CPQ: variants seen among roughly 807,000 people sequenced by gnomAD.
The protein encoded by CPQ is Ser-Met dipeptidase.
In CPQ, 37 loss-of-function variants were observed where a neutral mutation model predicts 45.7. The observed-to-expected ratio is 0.81, with a 90% CI of 0.62 to 1.07. CPQ has a LOEUF of 1.07. Ranked by LOEUF, CPQ falls within the 50% of genes least tolerant of loss-of-function variation. The probability of loss-of-function intolerance (pLI) is 0.00; values close to 1 mark genes in which losing one functional copy is unlikely to be tolerated. For missense variants in CPQ, 537 were observed against 572.9 expected, an observed-to-expected ratio of 0.94 and a Z score of 0.64; for synonymous variants, 186 against 205.8, an observed-to-expected ratio of 0.90 and a Z score of 0.82.
At chr8:96,748,268 CT>C (rs372084700) in intron 1 of CPQ, among the ~76,000 whole-genome samples, 2,183 of 151,794 alleles carry the variant, frequency 0.014, 32 homozygotes, top group South Asian at 0.03. Flanking sequence ...TAATAAGTTG[CT>C]TTTTTTTCTG....
chr8:97,022,283 A>G (rs1262012146), intron 5 of CPQ, among the ~76,000 whole-genome samples: 2 of 152,258 alleles, frequency 1.3e-5, no homozygotes, highest in African/African-American at 4.8e-5. Context: ...TAAAAATTCC[A>G]GAAGATAACA....
At chr8:96,951,282 T>G (rs966007420) in intron 4 of CPQ, among the ~76,000 whole-genome samples, 13 of 152,122 alleles carry the variant, frequency 8.5e-5, no homozygotes. Context: ...CATTTCTATG[T>G]GAAATATGGC....
chr8:96,890,201 A>G (rs57469661), intron 4 of CPQ, among the ~76,000 whole-genome samples: 5,985 of 152,370 alleles, frequency 0.039, 197 homozygotes, highest in African/African-American at 0.081. Flanking sequence ...CTCTTACGTC[A>G]CATGACAAAG....
At chr8:96,866,184 C>T (rs953161021) in intron 3 of CPQ, among the ~76,000 whole-genome samples, 1 of 152,046 alleles carries the variant, frequency 6.6e-6, no homozygotes, top group Non-Finnish European at 1.5e-5. Flanking sequence ...ACCCATGAGT[C>T]CTTTTCACTC....
chr8:96,872,689 C>T (rs916531665), intron 3 of CPQ, among the ~76,000 whole-genome samples: 1 of 151,552 alleles, frequency 6.6e-6, no homozygotes, highest in Non-Finnish European at 1.5e-5. Flanking sequence ...GAAACAAAAC[C>T]AATAGGATGT....
intron 7 of CPQ, among the ~76,000 whole-genome samples, chr8:97,119,215 G>C (rs1320099377): frequency 6.6e-6 from 1 of 151,824 alleles, no homozygotes; most frequent in Admixed American, 6.6e-5. Flanking sequence ...TGCAATCCAA[G>C]CTACTCTGGA....
At chr8:96,821,076 T>C (rs536975807) in intron 2 of CPQ, among the ~76,000 whole-genome samples, 2 of 151,984 alleles carry the variant, frequency 1.3e-5, no homozygotes, top group Admixed American at 1.3e-4. Flanking sequence ...GCCATTTGTA[T>C]GTCTTTTGAG....
intron 2 of CPQ, among the ~76,000 whole-genome samples, chr8:96,810,212 A>T (rs1490225314): frequency 1.3e-5 from 2 of 152,082 alleles, no homozygotes; most frequent in Non-Finnish European, 2.9e-5. Flanking sequence ...TTGTCAGTAT[A>T]CTCACCAGAT....
chr8:96,979,335 G>A (rs1813847351), intron 5 of CPQ, among the ~76,000 whole-genome samples: 1 of 152,156 alleles, frequency 6.6e-6, no homozygotes, highest in African/African-American at 2.4e-5. Context: ...ATAGAATAGA[G>A]ATACAGAAAA....
intron 2 of CPQ, among the ~76,000 whole-genome samples, chr8:96,826,759 TTGCCAATGCTCTCCC>T (rs941205012): frequency 6.6e-6 from 1 of 152,020 alleles, no homozygotes; most frequent in Non-Finnish European, 1.5e-5. Flanking sequence ...TTAGCTGTTT[TTGCCAATGCTCTCCC>T]TCCCCGTACT....
rs112649131 is a variant in CPQ at position 96,824,910 on chromosome 8, G to A, written c.434-10063G>A. Among the ~76,000 whole-genome samples the A allele has an allele frequency of 1.5e-3, 232 of 152,110 alleles. 1 individual carries two copies. The highest frequency in any genetic ancestry group is 5.4e-3 in the African/African-American group (225 of 41,518). ...GGGATATTTAATTCAATTCAATTCA[G>A]CAAACATATTGAATTCAAAATATGC... On this transcript the variant is annotated intron_variant, in intron 2 of 7. Coordinates refer to ENST00000220763, the MANE Select transcript of CPQ (RefSeq NM_016134.4).
At chr8:96,838,817 C>T (rs1362631650) in intron 3 of CPQ, among the ~76,000 whole-genome samples, 1 of 152,108 alleles carries the variant, frequency 6.6e-6, no homozygotes, top group Non-Finnish European at 1.5e-5. Context: ...TCCTGGTGCT[C>T]TTTGTCCGAA....
intron 4 of CPQ, among the ~76,000 whole-genome samples, chr8:96,932,001 T>G (rs72664529): frequency 6.6e-6 from 1 of 152,208 alleles, no homozygotes; most frequent in African/African-American, 2.4e-5. Context: ...GATCCCTAAC[T>G]TGTTCCAATG....
intron 5 of CPQ, among the ~76,000 whole-genome samples, chr8:97,028,016 T>A (rs1809830941): frequency 6.6e-6 from 1 of 152,162 alleles, no homozygotes; most frequent in Non-Finnish European, 1.5e-5. Flanking sequence ...ACCACAGTAG[T>A]GGCCAAGATG....
At chr8:97,063,346 G>T (rs928293772) in intron 6 of CPQ, among the ~76,000 whole-genome samples, 1 of 151,986 alleles carries the variant, frequency 6.6e-6, no homozygotes, top group African/African-American at 2.4e-5. Context: ...TTGTAAATTT[G>T]TTTAAGTTCC....
At chr8:96,857,240 A>G (rs150793680) in intron 3 of CPQ, among the ~76,000 whole-genome samples, 2 of 152,350 alleles carry the variant, frequency 1.3e-5, no homozygotes, top group African/African-American at 4.8e-5. Context: ...TGTAAGGTGA[A>G]TAAACTAAGG....
chr8:96,787,564 G>T (rs1226790236), intron 2 of CPQ, among the ~76,000 whole-genome samples: 1 of 32,484 alleles, frequency 3.1e-5, no homozygotes, highest in Non-Finnish European at 7.8e-5. Flanking sequence ...TTGTATCAGA[G>T]TAAGACTGGC....
intron 4 of CPQ, among the ~76,000 whole-genome samples, chr8:96,953,536 A>G (rs1422849865): frequency 1.3e-5 from 2 of 152,054 alleles, no homozygotes; most frequent in Non-Finnish European, 2.9e-5. Flanking sequence ...CAAGCAGTGC[A>G]TTTCTAGACA....
intron 5 of CPQ, among the ~76,000 whole-genome samples, chr8:97,016,325 T>A (rs1182349134): frequency 6.6e-6 from 1 of 152,216 alleles, no homozygotes; most frequent in Non-Finnish European, 1.5e-5. Flanking sequence ...TCTTGGCTAC[T>A]GGGGTGTTTT....
Sources: allele counts gnomAD v4.1 joint callset (sites outside exome capture counted in the v4.1 genomes callset), GRCh38; gene constraint gnomAD v4.1.1; transcripts MANE v1.5; gene names NCBI Gene and HGNC (gene_info 2026-07-23, HGNC 2026-07-21).